The following TCF20 variants were observed in gnomAD, a reference collection of about 807,000 sequenced individuals.
TCF20 encodes transcription factor 20.
In TCF20, 3 loss-of-function variants were observed where a neutral mutation model predicts 148.6. That is an observed-to-expected ratio of 0.02 (90% CI 0.01 to 0.05). TCF20 has a LOEUF of 0.05. TCF20 is among the 10% of genes least tolerant of loss of function. The probability of loss-of-function intolerance (pLI) is 1.00; values close to 1 mark genes in which losing one functional copy is unlikely to be tolerated. For missense variants in TCF20, 2,350 were observed against 2,429.3 expected, an observed-to-expected ratio of 0.97 and a Z score of 0.69; for synonymous variants, 1,049 against 909.5, an observed-to-expected ratio of 1.15 and a Z score of -2.76.
intron 1 of TCF20, among the ~76,000 whole-genome samples, chr22:42,257,286 T>C (rs1376817615): frequency 6.6e-6 from 1 of 152,260 alleles, no homozygotes; most frequent in Non-Finnish European, 1.5e-5. Flanking sequence ...TTCCTGCTTA[T>C]ATTTTCTCTG....
intron 2 of TCF20, among the ~76,000 whole-genome samples, chr22:42,201,143 C>A (rs1483989394): frequency 6.6e-6 from 1 of 152,204 alleles, no homozygotes; most frequent in African/African-American, 2.4e-5. Context: ...TTCCTGCTCC[C>A]CCTCTACCTC....
At chr22:42,193,098 G>C (rs1937418985) in intron 2 of TCF20, among the ~76,000 whole-genome samples, 1 of 151,934 alleles carries the variant, frequency 6.6e-6, no homozygotes, top group East Asian at 1.9e-4. Context: ...TTCTGTTTCA[G>C]AAGATTCCTA....
At chr22:42,269,325 G>C (rs185325342) in intron 1 of TCF20, among the ~76,000 whole-genome samples, 3 of 152,272 alleles carry the variant, frequency 2.0e-5, no homozygotes, top group Admixed American at 6.5e-5. Flanking sequence ...GGAAAAGGGG[G>C]AAATCCTAAT....
chr22:42,256,469 A>C (rs1925749389), intron 1 of TCF20, among the ~76,000 whole-genome samples: 1 of 151,354 alleles, frequency 6.6e-6, no homozygotes, highest in Admixed American at 6.6e-5. Flanking sequence ...CCAATGTAGC[A>C]AAGTTTTTTT....
At chr22:42,206,318 G>T (rs1407176656) in intron 2 of TCF20, among the ~76,000 whole-genome samples, 1 of 152,132 alleles carries the variant, frequency 6.6e-6, no homozygotes, top group African/African-American at 2.4e-5. Context: ...CACTCTAGGA[G>T]GTCAAGGCAG....
chr22:42,293,184 A>G (rs1927165068), intron 1 of TCF20, among the ~76,000 whole-genome samples: 1 of 152,162 alleles, frequency 6.6e-6, no homozygotes, highest in Non-Finnish European at 1.5e-5. Flanking sequence ...GGAAGATCCA[A>G]GGTCAGACCC....
intron 1 of TCF20, among the ~76,000 whole-genome samples, chr22:42,239,162 T>C (rs974393472): frequency 4.0e-5 from 6 of 149,480 alleles, no homozygotes; most frequent in African/African-American, 1.5e-4. Context: ...TGATCACAGA[T>C]CTTCATGACA....
chr22:42,165,739 A>G (rs1431283845), intron 5 of TCF20, among the ~76,000 whole-genome samples: 1 of 152,234 alleles, frequency 6.6e-6, no homozygotes, highest in East Asian at 1.9e-4. Flanking sequence ...TGGCAGATCA[A>G]CGGGCTGAGA....
At chr22:42,273,849 C>G (rs1003804367), upstream of TCF20, 1 of 152,656 alleles carries the variant, frequency 6.6e-6, no homozygotes, top group East Asian at 1.9e-4. Context: ...CTCCTCCAGG[C>G]GCCTGGGCCA....
intron 1 of TCF20, among the ~76,000 whole-genome samples, chr22:42,295,583 ACAGG>A (rs1927220558): frequency 6.6e-6 from 1 of 151,652 alleles, no homozygotes; most frequent in Admixed American, 6.6e-5. Context: ...AGCTGGGATT[ACAGG>A]CAGGCACCAC....
intron 2 of TCF20, among the ~76,000 whole-genome samples, chr22:42,206,507 T>A (rs1429655375): frequency 2.0e-5 from 3 of 152,180 alleles, no homozygotes; most frequent in African/African-American, 7.2e-5. Flanking sequence ...AACGGATTAT[T>A]TTGAGCGCTC....
intron 1 of TCF20, among the ~76,000 whole-genome samples, chr22:42,316,063 G>A (rs780768755): frequency 1.4e-5 from 2 of 145,178 alleles, no homozygotes; most frequent in Non-Finnish European, 3.0e-5. Context: ...AGCTGAGATC[G>A]CGCCACTGCA....
intron 1 of TCF20, among the ~76,000 whole-genome samples, chr22:42,323,893 A>ATGG (rs1353542732): frequency 1.6e-4 from 5 of 32,160 alleles, no homozygotes; most frequent in Non-Finnish European, 1.6e-4. Flanking sequence ...GATGGAGGTT[A>ATGG]TGGTGGTGGA....
chr22:42,181,733 C>A (rs1222222925), intron 2 of TCF20, among the ~76,000 whole-genome samples: 1 of 151,710 alleles, frequency 6.6e-6, no homozygotes, highest in Non-Finnish European at 1.5e-5. Context: ...CTCAGCCTCC[C>A]GAGTAGCTGA....
chr22:42,169,445 A>C (rs960993923), intron 4 of TCF20, among the ~76,000 whole-genome samples: 5 of 152,188 alleles, frequency 3.3e-5, no homozygotes, highest in African/African-American at 1.2e-4. Context: ...GGTCAGCTCG[A>C]CTTCTAGTCT....
At chr22:42,318,837 C>T (rs1927682034) in intron 1 of TCF20, among the ~76,000 whole-genome samples, 1 of 152,202 alleles carries the variant, frequency 6.6e-6, no homozygotes, top group East Asian at 1.9e-4. Context: ...GGGGCACTGG[C>T]CACCTCCATG....
intron 2 of TCF20, among the ~76,000 whole-genome samples, chr22:42,188,281 G>T (rs1177284831): frequency 1.7e-5 from 1 of 59,058 alleles, no homozygotes; most frequent in East Asian, 4.4e-4. Flanking sequence ...CAACAAGAGT[G>T]AAACTCCGTC....
intron 1 of TCF20, among the ~76,000 whole-genome samples, chr22:42,243,310 A>AAAAAAAAAAAAAAAAAAAAAAAAAAAAC (rs1569180401): frequency 5.7e-5 from 8 of 140,858 alleles, no homozygotes; most frequent in African/African-American, 2.4e-4. Context: ...AAAAAAAAAA[A>AAAAAAAAAAAAAAAAAAAAAAAAAAAAC]AAAAAAAAAA....
intron 3 of TCF20, among the ~76,000 whole-genome samples, chr22:42,170,625 T>TAAA (rs1936070743): frequency 8.5e-5 from 1 of 11,770 alleles, no homozygotes; most frequent in African/African-American, 3.9e-4. Context: ...AGACTCCGTC[T>TAAA]CAAAAAAAAA....
Sources: allele counts gnomAD v4.1 joint callset (sites outside exome capture counted in the v4.1 genomes callset), GRCh38; gene constraint gnomAD v4.1.1; transcripts MANE v1.5; gene names NCBI Gene and HGNC (gene_info 2026-07-23, HGNC 2026-07-21).